The following ATP8A2 variants were observed in gnomAD, a reference collection of about 807,000 sequenced individuals.
ATP8A2 encodes phospholipid-transporting ATPase IB.
In ATP8A2, 100 loss-of-function variants were observed where a neutral mutation model predicts 165.6. The observed-to-expected ratio is 0.60, with a 90% confidence interval of 0.51 to 0.71. The LOEUF is 0.71. ATP8A2 is among the 30% of genes least tolerant of loss of function. ATP8A2 has a pLI of 0.00. For missense variants in ATP8A2, 1,227 were observed against 1,479.5 expected (o/e 0.83, Z 2.80); for synonymous variants, 543 against 548.8 (o/e 0.99, Z 0.15).
Position 25,899,858 on chromosome 13 carries a change from A to G in ATP8A2, c.3183+37450A>G, listed in dbSNP as rs144616682. Among the ~76,000 whole-genome samples, 43 of 152,320 alleles carry G rather than the reference A, an allele frequency of 2.8e-4. 1 individual carries two copies. The East Asian group carries it at 8.1e-3, about 29-fold the overall frequency. ...TGACATGCTCTGATGTCTATTTCCA[A>G]AGCTCACCCTGCCTCTCTATGGGGA... On this transcript the variant is annotated intron_variant, in intron 33 of 36. Transcript: ENST00000381655.
rs551535653 is a variant in ATP8A2, at chr13:26,009,724, C to T, written c.3378-2807C>T. Among the ~76,000 whole-genome samples, 12 of 152,114 alleles carry T rather than the reference C, an allele frequency of 7.9e-5. No individual in the cohort carries two copies. The South Asian group carries it at 1.2e-3, about 16-fold the overall frequency. On this transcript the variant is annotated intron_variant, in intron 35 of 36. Coordinates refer to ENST00000381655, the MANE Select transcript of ATP8A2 (RefSeq NM_016529.6). ...CTCACAGTGTGTGGAGGAAGGGCTGCGGCACAGAGTGGGTCCCTCTGAAGC... is the reference window on the plus strand; with the variant it reads ...CTCACAGTGTGTGGAGGAAGGGCTGTGGCACAGAGTGGGTCCCTCTGAAGC...
At chr13:25,375,834 G>A (rs868641726) in intron 1 of ATP8A2, among the ~76,000 whole-genome samples, 1 of 152,096 alleles carries the variant, frequency 6.6e-6, no homozygotes, top group Non-Finnish European at 1.5e-5. Context: ...ACCTCCCTAA[G>A]TGCTGGGATT....
intron 27 of ATP8A2, among the ~76,000 whole-genome samples, chr13:25,802,099 G>A (rs934316705): frequency 2.0e-5 from 3 of 152,136 alleles, no homozygotes; most frequent in Non-Finnish European, 4.4e-5. Context: ...CATATCACAT[G>A]GTAACCTACG....
At chr13:25,993,895 G>T (rs1427384917) in intron 35 of ATP8A2, among the ~76,000 whole-genome samples, 1 of 152,108 alleles carries the variant, frequency 6.6e-6, no homozygotes, top group Non-Finnish European at 1.5e-5. Flanking sequence ...ATTTTGACAG[G>T]AATTGCTTTA....
At chr13:25,746,451 T>C (rs973789374) in intron 25 of ATP8A2, among the ~76,000 whole-genome samples, 7 of 152,226 alleles carry the variant, frequency 4.6e-5, no homozygotes. Context: ...AGAATTTGAA[T>C]TTGAACCTGG....
At chr13:25,760,360 A>G (rs997477822) in intron 25 of ATP8A2, among the ~76,000 whole-genome samples, 6 of 152,338 alleles carry the variant, frequency 3.9e-5, no homozygotes, top group African/African-American at 1.2e-4. Context: ...ATCAATTGTT[A>G]TGGCTTCTTC....
At chr13:25,512,399 A>G (rs990711375) in intron 2 of ATP8A2, among the ~76,000 whole-genome samples, 12 of 151,486 alleles carry the variant, frequency 7.9e-5, no homozygotes, top group African/African-American at 2.9e-4. Flanking sequence ...TGTTGGGTAC[A>G]CCTCCCAGAC....
chr13:25,848,427 G>T (rs908400042), intron 30 of ATP8A2, among the ~76,000 whole-genome samples: 1 of 152,248 alleles, frequency 6.6e-6, no homozygotes, highest in African/African-American at 2.4e-5. Flanking sequence ...GGCATGGGGT[G>T]CTGGGGGATA....
intron 34 of ATP8A2, among the ~76,000 whole-genome samples, chr13:25,962,772 T>A (rs1036486502): frequency 2.0e-5 from 3 of 152,172 alleles, no homozygotes; most frequent in Non-Finnish European, 4.4e-5. Flanking sequence ...CCTCCCACAC[T>A]CAGAATTTTT....
chr13:26,020,756 T>G lies in ATP8A2; in HGVS notation c.*771T>G, dbSNP rs1957070644. 6.6e-6 allele frequency: 1 copy of G among 152,358 alleles called. No individual in the cohort carries two copies. Among genetic ancestry groups the G allele is most frequent in the African/African-American group, 2.4e-5 (1 of 41,462 alleles). The allele number at this position is 152,358 out of a possible 1,614,324, so 9.4% of individuals were successfully genotyped here. A position where few individuals can be genotyped will look rare whatever the true frequency, so the allele number is the denominator to read the frequency against. On this transcript the variant is annotated 3_prime_UTR_variant, in exon 37 of 37. Coordinates refer to ENST00000381655, the MANE Select transcript of ATP8A2 (RefSeq NM_016529.6). ...GGCAGCCAACCCAAACCCGCGCCTTTCCTTGTTCCACTGCAGACTCAGATA... is the reference window on the plus strand; with the variant it reads ...GGCAGCCAACCCAAACCCGCGCCTTGCCTTGTTCCACTGCAGACTCAGATA...
At chr13:25,504,254 A>T (rs1048041571) in intron 2 of ATP8A2, among the ~76,000 whole-genome samples, 2 of 152,188 alleles carry the variant, frequency 1.3e-5, no homozygotes, top group African/African-American at 4.8e-5. Flanking sequence ...TATTGATAGA[A>T]TTATTTGTGG....
At chr13:25,377,924 G>A (rs6491043) in intron 1 of ATP8A2, among the ~76,000 whole-genome samples, 3,988 of 152,234 alleles carry the variant, frequency 0.026, 187 homozygotes, top group African/African-American at 0.091. Context: ...TTCGAGACCA[G>A]CCTGTACAAC....
At chr13:25,977,991 C>T (rs749149214) in intron 35 of ATP8A2, among the ~76,000 whole-genome samples, 1 of 152,150 alleles carries the variant, frequency 6.6e-6, no homozygotes, top group Non-Finnish European at 1.5e-5. Context: ...AAATTAGTTC[C>T]ATGTCAACTT....
chr13:25,974,583 A>G (rs1289144272), intron 35 of ATP8A2, among the ~76,000 whole-genome samples: 1 of 152,090 alleles, frequency 6.6e-6, no homozygotes, highest in Non-Finnish European at 1.5e-5. Flanking sequence ...TACCCAGTCC[A>G]GGCTGTCCCT....
intron 25 of ATP8A2, among the ~76,000 whole-genome samples, chr13:25,732,187 A>G (rs1203218692): frequency 6.6e-6 from 1 of 152,206 alleles, no homozygotes; most frequent in Non-Finnish European, 1.5e-5. Flanking sequence ...TTTCCTAAAA[A>G]GCAGTGTTTG....
chr13:25,906,458 G>C (rs1953939882), intron 33 of ATP8A2, among the ~76,000 whole-genome samples: 1 of 152,016 alleles, frequency 6.6e-6, no homozygotes, highest in South Asian at 2.1e-4. Context: ...TCCACAGCAT[G>C]CCCCACCTTA....
intron 1 of ATP8A2, among the ~76,000 whole-genome samples, chr13:25,402,591 T>C (rs2033671732): frequency 6.6e-6 from 1 of 152,222 alleles, no homozygotes; most frequent in Admixed American, 6.5e-5. Context: ...CAGCAGGGTA[T>C]AGCTGAGTCA....
chr13:25,476,183 T>C (rs1385599813), intron 2 of ATP8A2, among the ~76,000 whole-genome samples: 1 of 152,220 alleles, frequency 6.6e-6, no homozygotes, highest in African/African-American at 2.4e-5. Context: ...AGAATTCTCC[T>C]CTAAATGTTT....
At chr13:25,535,682 G>T (rs2038255656) in intron 6 of ATP8A2, among the ~76,000 whole-genome samples, 1 of 152,098 alleles carries the variant, frequency 6.6e-6, no homozygotes. Context: ...GGGCGTGGTG[G>T]TGCGTGTCTG....
Sources: gnomAD v4.1 joint callset for allele counts (sites outside exome capture counted in the v4.1 genomes callset) on GRCh38, gnomAD v4.1.1 for gene constraint, MANE v1.5 for transcripts, NCBI Gene and HGNC (gene_info 2026-07-23, HGNC 2026-07-21) for gene names.